The following GLT6D1 variants were observed in gnomAD, a reference collection of about 807,000 sequenced individuals.
GLT6D1 encodes glycosyltransferase 6 domain containing 1.
Under a neutral mutation model 12.3 loss-of-function variants are expected in GLT6D1, and 9 were observed. The ratio of observed to expected loss-of-function variants is 0.73; its 90% CI spans 0.44 to 1.27. The LOEUF is 1.27. Ranked by LOEUF, GLT6D1 falls within the 50% of genes most tolerant of loss-of-function variation. The pLI is 0.00. For missense variants in GLT6D1, 335 were observed against 346.2 expected (o/e 0.97, Z 0.26); for synonymous variants, 128 against 132.3 (o/e 0.97, Z 0.23).
chr9:135,629,804 AT>A (rs1309099024), intron 3 of GLT6D1, among the ~76,000 whole-genome samples: 3 of 152,082 alleles, frequency 2.0e-5, no homozygotes, highest in African/African-American at 7.2e-5. Context: ...GATGTATCTT[AT>A]TGATGGATTG....
At position 135,631,459 on chromosome 9, in the gene GLT6D1, G is replaced by A; in HGVS notation, c.91C>T (p.Leu31Phe). The change falls in exon 3 of 5, where the codon CTT becomes TTT. Residue 31 changes from leucine to phenylalanine, a missense_variant. Coordinates refer to ENST00000371763, the MANE Select transcript of GLT6D1 (RefSeq NM_182974.3). ...GGATGAAACCAGTCTGAGAGCCGAAGTTCTTCTACTTGGTGATTCCTGGAT... is the reference window on the plus strand; with the variant it reads ...GGATGAAACCAGTCTGAGAGCCGAAATTCTTCTACTTGGTGATTCCTGGAT... ...RYFRNHQVEE[L>F]RLSDWFHPRK... The A allele has an allele frequency of 6.2e-7, 1 of 1,611,796 alleles. No individual in the cohort carries two copies. Among genetic ancestry groups the A allele is most frequent in the African/African-American group, 1.3e-5 (1 of 75,006 alleles).
chr9:135,637,053 T>C (rs1833791196), intron 2 of GLT6D1, among the ~76,000 whole-genome samples: 1 of 151,952 alleles, frequency 6.6e-6, no homozygotes, highest in Admixed American at 6.6e-5. Context: ...GGTTTCTCCA[T>C]GTTGGTCAGG....
In GLT6D1 at chr9:135,624,555, C is replaced by G. The variant is rs374930803; in HGVS notation, c.373G>C (p.Glu125Gln). The G allele has an allele frequency of 2.1e-5, 34 of 1,613,758 alleles. No homozygotes were observed. Among genetic ancestry groups the G allele is most frequent in the South Asian group, 3.3e-5 (3 of 91,054 alleles). ...VDAFFKLPDI[E>Q]PSPLRTFKAF... Reference sequence around the variant, plus strand: ...TTGAACGTTCGAAGAGGACTGGGCTCTATGTCAGGCAGCTTGAAGAAGGCG... The same window carrying G: ...TTGAACGTTCGAAGAGGACTGGGCTGTATGTCAGGCAGCTTGAAGAAGGCG... Residue 125 changes from glutamate to glutamine, a missense_variant, in exon 5 of 5, where the codon GAG (glutamate) becomes CAG (glutamine). By Grantham distance (29) the Glu-to-Gln change is conservative. Coordinates refer to ENST00000371763, the MANE Select transcript of GLT6D1 (RefSeq NM_182974.3).
chr9:135,640,069 T>G (rs965200175), upstream of GLT6D1, among the ~76,000 whole-genome samples: 8 of 152,114 alleles, frequency 5.3e-5, no homozygotes, highest in African/African-American at 1.9e-4. Flanking sequence ...CACCTCAGCC[T>G]TCCAGTGATT....
At chr9:135,640,674 C>T (rs149645272), upstream of GLT6D1, among the ~76,000 whole-genome samples, 72 of 151,310 alleles carry the variant, frequency 4.8e-4, no homozygotes, top group African/African-American at 1.5e-3. Context: ...GAGCCAAGAT[C>T]GCACCACTGC....
In GLT6D1 at chr9:135,639,180, G is replaced by C. The variant is rs370612547; in HGVS notation, c.8C>G (p.Ser3Cys). The change falls in exon 2 of 5, where the codon TCT (serine) becomes TGT (cysteine). Residue 3 changes from serine to cysteine, a missense_variant. Coordinates refer to ENST00000371763, the MANE Select transcript of GLT6D1 (RefSeq NM_182974.3). ...TAAAACCAATAACAGCATTCTTTTAGAATTCATTCTCTCCTAGGGAAAGAA... is the reference window on the plus strand; with the variant it reads ...TAAAACCAATAACAGCATTCTTTTACAATTCATTCTCTCCTAGGGAAAGAA... MNSKRMLLLVLFA... is the reference protein window; with the variant it reads MNCKRMLLLVLFA... The C allele has an allele frequency of 3.9e-5, 61 of 1,573,178 alleles. No homozygotes were observed. The highest frequency in any genetic ancestry group is 5.1e-5 in the Non-Finnish European group (58 of 1,145,024).
intron 3 of GLT6D1, among the ~76,000 whole-genome samples, chr9:135,630,010 T>C (rs934058228): frequency 1.3e-5 from 2 of 152,228 alleles, no homozygotes; most frequent in Non-Finnish European, 2.9e-5. Context: ...AGACGGCATA[T>C]AAATATGTTT....
At chr9:135,640,339 A>G (rs1833866923), upstream of GLT6D1, among the ~76,000 whole-genome samples, 1 of 152,220 alleles carries the variant, frequency 6.6e-6, no homozygotes, top group Non-Finnish European at 1.5e-5. Flanking sequence ...GGAAAGAATG[A>G]GTTAAATGAG....
chr9:135,628,841 G>A (rs2119136131), intron 3 of GLT6D1, among the ~76,000 whole-genome samples: 1 of 151,680 alleles, frequency 6.6e-6, no homozygotes, highest in East Asian at 1.9e-4. Context: ...TTAATTTGTT[G>A]GCATACAATT....
intron 2 of GLT6D1, among the ~76,000 whole-genome samples, chr9:135,635,824 G>C (rs193087032): frequency 6.6e-6 from 1 of 152,348 alleles, no homozygotes; most frequent in African/African-American, 2.4e-5. Context: ...GAGGTCTCCA[G>C]CTTCAATCCA....
Position 135,639,406 on chromosome 9 carries a change from C to G in GLT6D1, c.-120G>C. On this transcript the variant is annotated 5_prime_UTR_variant, in exon 1 of 5. Transcript: ENST00000371763. ...GACTGTTCCCCGTGGGTCAGCTGCA[C>G]GTGCACTGTCTCTCCCCGTGTTCAC... 2.3e-6 allele frequency: 1 copy of G among 443,942 alleles called. No individual in the cohort carries two copies. Among genetic ancestry groups the G allele is most frequent in the Non-Finnish European group, 4.0e-6 (1 of 247,926 alleles). The allele number at this position is 443,942 out of a possible 1,614,324, so 27.5% of individuals were successfully genotyped here.
intron 2 of GLT6D1, among the ~76,000 whole-genome samples, chr9:135,637,081 G>A (rs1412433726): frequency 1.3e-5 from 2 of 151,714 alleles, no homozygotes; most frequent in Non-Finnish European, 2.9e-5. Context: ...CGAACTCCCG[G>A]CCTCAGGTGA....
chr9:135,629,361 T>A (rs1402807477), intron 3 of GLT6D1, among the ~76,000 whole-genome samples: 1 of 152,204 alleles, frequency 6.6e-6, no homozygotes. Context: ...CCCTTGTGAT[T>A]CTTTTTTGAT....
upstream of GLT6D1, among the ~76,000 whole-genome samples, chr9:135,640,833 T>C (rs1452098590): frequency 2.0e-5 from 3 of 152,190 alleles, no homozygotes; most frequent in African/African-American, 7.2e-5. Flanking sequence ...GGCCCAGTTC[T>C]TGTACCTCTG....
chr9:135,633,088 AGTGGT>A (rs1833685430), intron 2 of GLT6D1, among the ~76,000 whole-genome samples: 2 of 152,202 alleles, frequency 1.3e-5, no homozygotes, highest in Non-Finnish European at 2.9e-5. Context: ...ATACGCAGAC[AGTGGT>A]GTCTTCAGGG....
chr9:135,629,522 G>T (rs183336117), intron 3 of GLT6D1, among the ~76,000 whole-genome samples: 1 of 152,046 alleles, frequency 6.6e-6, no homozygotes, highest in Non-Finnish European at 1.5e-5. Flanking sequence ...AGATTTTATT[G>T]TGCAACATAT....
At chr9:135,635,995 A>G (rs1377128092) in intron 2 of GLT6D1, among the ~76,000 whole-genome samples, 1 of 151,694 alleles carries the variant, frequency 6.6e-6, no homozygotes, top group East Asian at 1.9e-4. Context: ...GTGGGAAAAA[A>G]CCTTTATTGA....
chr9:135,624,454 G>C lies in GLT6D1; in HGVS notation c.474C>G (p.Ile158Met), dbSNP rs767147245. Residue 158 changes from isoleucine (I) to methionine (M), a missense_variant, in exon 5 of 5, where the codon ATC becomes ATG. By Grantham distance (10) the Ile-to-Met change is conservative (BLOSUM62 1). Transcript: ENST00000371763. Reference sequence around the variant, plus strand: ...CCACCTCGTCCTGGATGTGACTGGCGATGTGTTCACCCAGGCTCTTCACAT... The same window carrying C: ...CCACCTCGTCCTGGATGTGACTGGCCATGTGTTCACCCAGGCTCTTCACAT... Reference protein sequence around the residue: ...LVHVKSLGEHIASHIQDEVDF... With the variant: ...LVHVKSLGEHMASHIQDEVDF... 5 of 1,614,112 alleles carry C rather than the reference G, an allele frequency of 3.1e-6. No individual in the cohort carries two copies. In the South Asian group the frequency reaches 4.4e-5, roughly 14 times the overall value.
At chr9:135,626,486 T>A (rs1306107314) in intron 3 of GLT6D1, among the ~76,000 whole-genome samples, 1 of 152,124 alleles carries the variant, frequency 6.6e-6, no homozygotes, top group Admixed American at 6.5e-5. Flanking sequence ...GGCTCCTGGG[T>A]TTGTGCGTTC....
Sources: gnomAD v4.1 joint callset for allele counts (sites outside exome capture counted in the v4.1 genomes callset) on GRCh38, gnomAD v4.1.1 for gene constraint, MANE v1.5 for transcripts, NCBI Gene and HGNC (gene_info 2026-07-23, HGNC 2026-07-21) for gene names.